HARS1: variants seen among roughly 807,000 people sequenced by gnomAD.
The protein encoded by HARS1 is histidine--tRNA ligase, cytoplasmic.
A neutral mutation model predicts 63.6 loss-of-function variants in HARS1; 45 were observed. That is an observed-to-expected ratio of 0.71 (90% CI 0.56 to 0.91). The LOEUF is 0.91. Among genes scored for constraint, HARS1 ranks in the 40% least tolerant of loss-of-function variants. The pLI is 0.00. For synonymous variants in HARS1, 205 were observed against 247.1 expected (o/e 0.83, Z 1.60); for missense variants, 508 against 643.2 (o/e 0.79, Z 2.27).
rs1554106864 is a variant in HARS1 at position 140,676,794 on chromosome 5, G to A, written c.1054C>T (p.Leu352=). 9 of 1,614,264 alleles carry A rather than the reference G, an allele frequency of 5.6e-6. No homozygotes were observed. Among genetic ancestry groups the A allele is most frequent in the Non-Finnish European group, 5.1e-6 (6 of 1,180,046 alleles). ...QTPAQAGEEP[L]GVGSVAAGGR... Reference sequence around the variant, plus strand: ...CCAGCAGCCACACTGCCCACACCCAGGGGCTCTTCCCCTGCCTGGGCTGGG... The same window carrying A: ...CCAGCAGCCACACTGCCCACACCCAAGGGCTCTTCCCCTGCCTGGGCTGGG... The change falls in exon 10 of 13, where the codon CTG becomes TTG. Residue 352 remains leucine (L), a synonymous_variant. Coordinates refer to ENST00000504156, the MANE Select transcript of HARS1 (RefSeq NM_002109.6). The surrounding 1 kb of genome is among the most constrained non-coding windows in gnomAD (Gnocchi z 4.1).
rs374172904 is a variant in HARS1, at chr5:140,677,731, T to C, written c.653A>G (p.Asp218Gly). The C allele has an allele frequency of 4.4e-5, 71 of 1,610,212 alleles. No individual in the cohort carries two copies. The African/African-American group carries it at 9.2e-4, about 21-fold the overall frequency. Residue 218 changes from aspartate (D) to glycine (G), a missense_variant, in exon 7 of 13, where the codon GAT (aspartate) becomes GGT (glycine). By Grantham distance (94) the Asp-to-Gly change is moderately conservative (BLOSUM62 -1). Coordinates refer to ENST00000504156, the MANE Select transcript of HARS1 (RefSeq NM_002109.6). ...AACACCACAGATAGCAAACATCCCA[T>C]CTAGAATGCGTCGATCGTTTACCTG... ...LVKVNDRRILDGMFAICGVSD... is the reference protein window; with the variant it reads ...LVKVNDRRILGGMFAICGVSD...
intron 2 of HARS1, chr5:140,684,939 T>C (rs1330846440): frequency 6.6e-6 from 1 of 152,226 alleles, no homozygotes; most frequent in African/African-American, 2.4e-5. Context: ...TCTGACTGAA[T>C]AGAAGACAGC....
At chr5:140,680,320 T>C (rs1310475309) in intron 3 of HARS1, among the ~76,000 whole-genome samples, 26 of 151,998 alleles carry the variant, frequency 1.7e-4, no homozygotes, top group Admixed American at 1.7e-3. Context: ...CTAAGTTTTG[T>C]ATTTTTAGTA....
In HARS1 at chr5:140,675,109, TG is replaced by T; in HGVS notation, c.1218del (p.Thr407ArgfsTer15). 6.2e-7 allele frequency: 1 copy of T among 1,612,052 alleles called. No homozygotes were observed. The highest frequency in any genetic ancestry group is 1.1e-5 in the South Asian group (1 of 91,042). On this transcript the variant is annotated frameshift_variant, in exon 11 of 13. Coordinates refer to ENST00000504156, the MANE Select transcript of HARS1 (RefSeq NM_002109.6). LOFTEE classifies it high-confidence loss of function. ...RLEALEEKIR[T>X]TETQVLVASA... ...GATGCCACAAGCACCTGTGTCTCCGTGGTCCGTATCTTCTCCTCCAAAGCCT... is the reference window on the plus strand; with the variant it reads ...GATGCCACAAGCACCTGTGTCTCCGTGTCCGTATCTTCTCCTCCAAAGCCT...
Position 140,676,489 on chromosome 5 carries a change from C to T in HARS1, c.1194+165G>A, listed in dbSNP as rs1389615680. On this transcript the variant is annotated intron_variant, in intron 10 of 12. Coordinates refer to ENST00000504156, the MANE Select transcript of HARS1 (RefSeq NM_002109.6). The surrounding 1 kb of genome is among the most constrained non-coding windows in gnomAD (Gnocchi z 4.1). Reference sequence around the variant, plus strand: ...GATTATGGATTAAAGATCCATAAAACTTACATATAATGGGGTAGAAATCTG... The same window carrying T: ...GATTATGGATTAAAGATCCATAAAATTTACATATAATGGGGTAGAAATCTG... 1.3e-6 allele frequency: 1 copy of T among 749,098 alleles called. No individual in the cohort carries two copies. Among genetic ancestry groups the T allele is most frequent in the Non-Finnish European group, 2.2e-6 (1 of 448,412 alleles). The allele number at this position is 749,098 out of a possible 1,614,324, so 46.4% of individuals were successfully genotyped here. A position where few individuals can be genotyped will look rare whatever the true frequency, so the allele number is the denominator to read the frequency against.
At position 140,676,627 on chromosome 5, in the gene HARS1, A is replaced by C. The variant is rs765375902; in HGVS notation, c.1194+27T>G. On this transcript the variant is annotated intron_variant, in intron 10 of 12. Transcript: ENST00000504156. The surrounding 1 kb of genome is among the most constrained non-coding windows in gnomAD (Gnocchi z 4.1). ...TTAGGTGCCACCACCTGCTCAGACTATCTTCTACCTACCTCCTAGGACCTA... is the reference window on the plus strand; with the variant it reads ...TTAGGTGCCACCACCTGCTCAGACTCTCTTCTACCTACCTCCTAGGACCTA... The C allele has an allele frequency of 2.5e-6, 4 of 1,609,048 alleles. No individual in the cohort carries two copies. In the Admixed American group the frequency reaches 6.7e-5, roughly 27 times the overall value.
At chr5:140,678,959 G>C in intron 5 of HARS1, 43 bp downstream of exon 5, 1 of 1,603,902 alleles carries the variant, frequency 6.2e-7, no homozygotes, top group Non-Finnish European at 8.5e-7. Flanking sequence ...GCTTGAGAGA[G>C]CCCCAAGTAA....
At chr5:140,675,302 G>A in intron 10 of HARS1, 169 bp from the exon 11 acceptor site, 1 of 602,214 alleles carries the variant, frequency 1.7e-6, no homozygotes, top group Non-Finnish European at 3.0e-6. Flanking sequence ...TAGATATGAG[G>A]ACTGAACTGA....
intron 3 of HARS1, among the ~76,000 whole-genome samples, chr5:140,682,144 T>G (rs1440327380): frequency 1.3e-5 from 2 of 151,996 alleles, no homozygotes; most frequent in African/African-American, 4.8e-5. Context: ...TTTGGGAGGC[T>G]GAGGAAGGAG....
chr5:140,679,522 C>A lies in HARS1; in HGVS notation c.396+266G>T, dbSNP rs1454294261. ...GAAGAATTTTGTTCACTGGACAGGG[C>A]AGGGGAGAGGTATTCTGGAGCCAGG... On this transcript the variant is annotated intron_variant, in intron 4 of 12. Coordinates refer to ENST00000504156, the MANE Select transcript of HARS1 (RefSeq NM_002109.6). The surrounding 1 kb of genome is among the most constrained non-coding windows in gnomAD (Gnocchi z 4.3). The A allele has an allele frequency of 2.2e-6, 1 of 459,026 alleles. No homozygotes were observed. Among genetic ancestry groups the A allele is most frequent in the East Asian group, 3.8e-5 (1 of 26,498 alleles). The allele number at this position is 459,026 out of a possible 1,614,324, so 28.4% of individuals were successfully genotyped here.
Position 140,683,229 on chromosome 5 carries a change from G to T in HARS1, c.181-10C>A, listed in dbSNP as rs376385713. The T allele has an allele frequency of 1.2e-6, 2 of 1,612,062 alleles. No individual in the cohort carries two copies. Among genetic ancestry groups the T allele is most frequent in the Non-Finnish European group, 8.5e-7 (1 of 1,178,772 alleles). ...TATAGTCTCTTGTGCCCTTGGAGTT[G>T]AAATCAGCCAGAGAACCAGAAATGA... On this transcript the variant is annotated splice_polypyrimidine_tract_variant and intron_variant, in intron 2 of 12. Transcript: ENST00000504156.
Position 140,676,762 on chromosome 5 carries a change from G to A in HARS1, c.1086C>T (p.Arg362=), listed in dbSNP as rs139251223. 5 of 1,614,120 alleles carry A rather than the reference G, an allele frequency of 3.1e-6. No individual in the cohort carries two copies. In the African/African-American group the frequency reaches 6.7e-5, roughly 22 times the overall value. Reference sequence around the variant, plus strand: ...CGAACATGCCCACTAGCCCATCATAGCGTCCTCCAGCAGCCACACTGCCCA... The same window carrying A: ...CGAACATGCCCACTAGCCCATCATAACGTCCTCCAGCAGCCACACTGCCCA... ...LGVGSVAAGG[R]YDGLVGMFDP... Residue 362 remains arginine (R), a synonymous_variant, in exon 10 of 13, where the codon CGC becomes CGT. Transcript: ENST00000504156. This position sits in a 1 kb window ranked among gnomAD's most constrained non-coding sequence, Gnocchi z 4.1.
chr5:140,677,376 G>A lies in HARS1; in HGVS notation c.774C>T (p.Gly258=). The A allele has an allele frequency of 1.2e-6, 2 of 1,613,750 alleles. No homozygotes were observed. Among genetic ancestry groups the A allele is most frequent in the Non-Finnish European group, 1.7e-6 (2 of 1,179,780 alleles). Residue 258 remains glycine (G), a synonymous_variant, in exon 8 of 13, where the codon GGC becomes GGT. Coordinates refer to ENST00000504156, the MANE Select transcript of HARS1 (RefSeq NM_002109.6). ...EVKNEMVGEK[G]LAPEVADRIG... is the part of the protein sequence containing the mutation. ...TGCGGTCAGCCACCTCAGGTGCAAG[G>A]CCCTTCTCTCCCACCATCTCATTCT...
chr5:140,679,855 T>A lies in HARS1; in HGVS notation c.329A>T (p.Asp110Val). 6.2e-7 allele frequency: 1 copy of A among 1,605,576 alleles called. No individual in the cohort carries two copies. Among genetic ancestry groups the A allele is most frequent in the Non-Finnish European group, 8.5e-7 (1 of 1,172,574 alleles). Residue 110 changes from aspartate to valine, a missense_variant, in exon 4 of 13, where the codon GAC becomes GTC. This residue lies in a region of HARS1 where 403 missense variants were observed against 548.7 expected (regional missense o/e 0.73). Coordinates refer to ENST00000504156, the MANE Select transcript of HARS1 (RefSeq NM_002109.6). This position sits in a 1 kb window ranked among gnomAD's most constrained non-coding sequence, Gnocchi z 4.3. ...KETLMGKYGE[D>V]SKLIYDLKDQ... Reference sequence around the variant, plus strand: ...CTTCAGGTCATAGATAAGCTTGGAGTCTTCCCCATACTTTCCCATCAGTGT... The same window carrying A: ...CTTCAGGTCATAGATAAGCTTGGAGACTTCCCCATACTTTCCCATCAGTGT...
Position 140,676,765 on chromosome 5 carries a change from T to C in HARS1, c.1083A>G (p.Gly361=). The change falls in exon 10 of 13, where the codon GGA becomes GGG. Residue 361 remains glycine, a synonymous_variant. Transcript: ENST00000504156. This position sits in a 1 kb window ranked among gnomAD's most constrained non-coding sequence, Gnocchi z 4.1. The part of the protein sequence containing the change: ...PLGVGSVAAG[G]RYDGLVGMFD... ...ACATGCCCACTAGCCCATCATAGCG[T>C]CCTCCAGCAGCCACACTGCCCACAC... The C allele has an allele frequency of 1.2e-6, 2 of 1,614,184 alleles. No individual in the cohort carries two copies. The highest frequency in any genetic ancestry group is 1.7e-6 in the Non-Finnish European group (2 of 1,180,028).
Position 140,674,234 on chromosome 5 carries a change from T to G in HARS1, c.*23A>C. ...CTCAAATAGTGCCAGTCCCACTTCC[T>G]TTCCTCTGATAGTTTGTTCAGTTCA... On this transcript the variant is annotated 3_prime_UTR_variant, in exon 13 of 13. Transcript: ENST00000504156. 6.7e-7 allele frequency: 1 copy of G among 1,498,822 alleles called. No homozygotes were observed. Among genetic ancestry groups the G allele is most frequent in the Non-Finnish European group, 9.3e-7 (1 of 1,074,648 alleles). 92.8% of individuals were successfully genotyped at this position (1,498,822 alleles called of 1,614,324 possible).
At chr5:140,689,048 T>C (rs1243009415) in intron 2 of HARS1, among the ~76,000 whole-genome samples, 1 of 152,246 alleles carries the variant, frequency 6.6e-6, no homozygotes, top group African/African-American at 2.4e-5. Context: ...TTTCATCTAA[T>C]AGTTTGAAAA....
At chr5:140,677,599 C>A in intron 7 of HARS1, 56 bp downstream of exon 7, 1 of 1,278,818 alleles carries the variant, frequency 7.8e-7, no homozygotes, top group Non-Finnish European at 1.1e-6. Context: ...TCTTGTTTTC[C>A]ATTTCCCAAG....
rs1758209044 is a variant in HARS1 at position 140,674,218 on chromosome 5, T to C, written c.*39A>G. 3 of 1,269,666 alleles carry C rather than the reference T, an allele frequency of 2.4e-6. No individual in the cohort carries two copies. Among genetic ancestry groups the C allele is most frequent in the Non-Finnish European group, 3.5e-6 (3 of 865,006 alleles). 78.7% of individuals were successfully genotyped at this position (1,269,666 alleles called of 1,614,324 possible). On this transcript the variant is annotated 3_prime_UTR_variant, in exon 13 of 13. Transcript: ENST00000504156. Reference sequence around the variant, plus strand: ...TGCAGTTTGTCTTAACCTCAAATAGTGCCAGTCCCACTTCCTTTCCTCTGA... The same window carrying C: ...TGCAGTTTGTCTTAACCTCAAATAGCGCCAGTCCCACTTCCTTTCCTCTGA...
Sources: gnomAD v4.1 joint callset for allele counts (sites outside exome capture counted in the v4.1 genomes callset) on GRCh38, gnomAD v4.1.1 for gene constraint, gnomAD v4.1.1 regional missense constraint, Gnocchi (gnomAD v3.1) non-coding constraint, MANE v1.5 for transcripts, NCBI Gene and HGNC (gene_info 2026-07-23, HGNC 2026-07-21) for gene names.